EPHX1: variants seen among roughly 807,000 people sequenced by gnomAD.
EPHX1 encodes epoxide hydrolase 1.
In EPHX1, 40 loss-of-function variants were observed where a neutral mutation model predicts 43.2. That is an observed-to-expected ratio of 0.93 (90% CI 0.72 to 1.21). The LOEUF is 1.21. Among genes scored for constraint, EPHX1 ranks in the 50% most tolerant of loss-of-function variants. EPHX1 has a pLI of 0.00. For synonymous variants in EPHX1, 221 were observed against 226.7 expected, an observed-to-expected ratio of 0.98 and a Z score of 0.22; for missense variants, 550 against 570.4, an observed-to-expected ratio of 0.96 and a Z score of 0.36.
intron 1 of EPHX1, among the ~76,000 whole-genome samples, chr1:225,822,285 G>A (rs1263344743): frequency 6.6e-6 from 1 of 152,026 alleles, no homozygotes; most frequent in African/African-American, 2.4e-5. Flanking sequence ...TCTTTACTAG[G>A]CAAGTGAACC....
Position 225,844,595 on chromosome 1 carries a change from C to T in EPHX1, c.1138C>T (p.Gln380Ter), listed in dbSNP as rs1452844999. The T allele has an allele frequency of 3.3e-5, 53 of 1,614,042 alleles. No homozygotes were observed. The highest frequency in any genetic ancestry group is 4.3e-5 in the Non-Finnish European group (51 of 1,180,028). Residue 380 changes from glutamine to a stop codon, truncating the protein, a stop_gained, in exon 8 of 9, where the codon CAG (glutamine) becomes TAG (stop). Transcript: ENST00000272167. LOFTEE classifies it low-confidence loss of function (END_TRUNC). The stretch of plus-strand genomic sequence containing the variant: ...GCGCTTCTACAAGGAGAACCTGGGA[C>T]AGGGCTGGATGACCCAGAAGCATGA... The part of the protein sequence containing the change: ...SQRFYKENLG[Q>*]GWMTQKHERM...
chr1:225,837,822 A>T (rs1481974754), intron 3 of EPHX1, among the ~76,000 whole-genome samples: 1 of 152,210 alleles, frequency 6.6e-6, no homozygotes, highest in African/African-American at 2.4e-5. Flanking sequence ...ACCAGGCCCA[A>T]AAATACTCCA....
Position 225,844,542 on chromosome 1 carries a change from G to A in EPHX1, c.1085G>A (p.Trp362Ter), listed in dbSNP as rs759824657. The change falls in exon 8 of 9, where the codon TGG becomes TAG. Residue 362 changes from tryptophan (W) to a stop codon, truncating the protein, a stop_gained. Transcript: ENST00000272167. LOFTEE classifies it high-confidence loss of function. ...DDLLTNVMLY[W>*]TTGTIISSQR... ...CTGCTGACCAACGTCATGCTCTACT[G>A]GACAACAGGCACCATCATCTCCTCC... 6.8e-6 allele frequency: 11 copies of A among 1,614,142 alleles called. No individual in the cohort carries two copies. The highest frequency in any genetic ancestry group is 1.3e-5 in the African/African-American group (1 of 75,028).
chr1:225,838,541 G>A (rs1018133814), intron 3 of EPHX1, 113 bp from the exon 4 acceptor site: 25 of 859,956 alleles, frequency 2.9e-5, no homozygotes, highest in African/African-American at 1.5e-4. Context: ...ATGAAGGGGC[G>A]GCGGGGGCAC....
chr1:225,824,405 G>A (rs1384654074), intron 1 of EPHX1, among the ~76,000 whole-genome samples: 2 of 152,202 alleles, frequency 1.3e-5, no homozygotes, highest in Non-Finnish European at 2.9e-5. Flanking sequence ...CAACTGCAGT[G>A]TGATTTAGGC....
chr1:225,831,345 T>A (rs1667577952), intron 2 of EPHX1, among the ~76,000 whole-genome samples: 1 of 151,904 alleles, frequency 6.6e-6, no homozygotes, highest in Non-Finnish European at 1.5e-5. Flanking sequence ...AGCCAGGAGT[T>A]CAAGACCAGC....
chr1:225,831,785 C>G lies in EPHX1; in HGVS notation c.190C>G (p.His64Asp). The G allele has an allele frequency of 6.2e-7, 1 of 1,613,976 alleles. No individual in the cohort carries two copies. ...ETSDEEIHDL[H>D]QRIDKFRFTP... ...GTCCTGAATTTTGCTCCAGGACTTA[C>G]ACCAGAGGATCGATAAGTTCCGTTT... Residue 64 changes from histidine to aspartate, a missense_variant, in exon 3 of 9, where the codon CAC (histidine) becomes GAC (aspartate). His to Asp is a moderately conservative substitution (Grantham distance 81, BLOSUM62 -1). Coordinates refer to ENST00000272167, the MANE Select transcript of EPHX1 (RefSeq NM_001136018.4).
At chr1:225,828,363 G>C (rs1376267977) in intron 1 of EPHX1, among the ~76,000 whole-genome samples, 1 of 151,384 alleles carries the variant, frequency 6.6e-6, no homozygotes, top group Non-Finnish European at 1.5e-5. Flanking sequence ...ACAACATGAG[G>C]CCTCAGAAAT....
intron 1 of EPHX1, among the ~76,000 whole-genome samples, 192 bp from the exon 2 acceptor site, chr1:225,828,529 ATATT>A (rs1388097515): frequency 1.3e-5 from 2 of 148,422 alleles, no homozygotes; most frequent in African/African-American, 4.9e-5. Context: ...TATATATATA[ATATT>A]TATACTATAT....
chr1:225,821,749 G>A (rs982558980), intron 1 of EPHX1, among the ~76,000 whole-genome samples: 17 of 150,646 alleles, frequency 1.1e-4, no homozygotes, highest in Admixed American at 1.1e-3. Flanking sequence ...TATTTGTGGA[G>A]ATGGGGTTTT....
At chr1:225,822,519 ACT>A (rs766636008) in intron 1 of EPHX1, among the ~76,000 whole-genome samples, 4 of 152,050 alleles carry the variant, frequency 2.6e-5, no homozygotes, top group Admixed American at 1.3e-4. Context: ...TAAAGCAGGC[ACT>A]CTCATTTTGT....
rs34868815 is a variant in EPHX1 at position 225,839,366 on chromosome 1, GGTGTGTGTGTGTGTGTGT to G, written c.722+39_722+56del. 4.2e-5 allele frequency: 66 copies of G among 1,560,734 alleles called. No individual in the cohort carries two copies. Among genetic ancestry groups the G allele is most frequent in the East Asian group, 7.1e-5 (3 of 42,528 alleles). On this transcript the variant is annotated intron_variant, in intron 5 of 8. Transcript: ENST00000272167. ...GCCCAGGTGAGGTCACTGTTGGGGTGGTGTGTGTGTGTGTGTGTGTGTGTGTGTGTGTGTGTCCTCTAA... is the reference window on the plus strand; with the variant it reads ...GCCCAGGTGAGGTCACTGTTGGGGTGGTGTGTGTGTGTGTGTGTCCTCTAA...
At position 225,840,085 on chromosome 1, in the gene EPHX1, G is replaced by A. The variant is rs567889511; in HGVS notation, c.931+48G>A. 44 of 1,598,256 alleles carry A rather than the reference G, an allele frequency of 2.8e-5. 1 individual carries two copies. The South Asian group carries it at 4.8e-4, about 17-fold the overall frequency. On this transcript the variant is annotated intron_variant, in intron 6 of 8. Coordinates refer to ENST00000272167, the MANE Select transcript of EPHX1 (RefSeq NM_001136018.4). ...GCCCACTGCCGGCTCCACTGGGGCA[G>A]GGAGACACCCGCGGGGTAACCTCAC...
At position 225,845,373 on chromosome 1, in the gene EPHX1, C is replaced by A. The variant is rs1181598542; in HGVS notation, c.*26C>A. 6.5e-7 allele frequency: 1 copy of A among 1,548,852 alleles called. No homozygotes were observed. Among genetic ancestry groups the A allele is most frequent in the Non-Finnish European group, 8.7e-7 (1 of 1,149,626 alleles). On this transcript the variant is annotated 3_prime_UTR_variant, in exon 9 of 9. Coordinates refer to ENST00000272167, the MANE Select transcript of EPHX1 (RefSeq NM_001136018.4). ...CCCACCCCTCTCCCCCCGCCTGCCA[C>A]CTCCCCCCACAAGTGCCCTCCAGGC... is the stretch of plus-strand genomic sequence containing the variant.
At chr1:225,823,847 C>T (rs1436667057) in intron 1 of EPHX1, among the ~76,000 whole-genome samples, 2 of 152,202 alleles carry the variant, frequency 1.3e-5, no homozygotes, top group African/African-American at 4.8e-5. Context: ...GAGGGAGTCT[C>T]CACGGCTCCA....
At position 225,842,562 on chromosome 1, in the gene EPHX1, G is replaced by A. The variant is rs563400264; in HGVS notation, c.1040+88G>A. ...CTTCATCCCCTTGTCTGGTTGCTCT[G>A]CATGGGGCACTCAGCAAATTCTATT... is the stretch of plus-strand genomic sequence containing the variant. On this transcript the variant is annotated intron_variant, in intron 7 of 8. Coordinates refer to ENST00000272167, the MANE Select transcript of EPHX1 (RefSeq NM_001136018.4). 72 of 948,496 alleles carry A rather than the reference G, an allele frequency of 7.6e-5. No individual in the cohort carries two copies. The East Asian group carries it at 1.7e-3, about 22-fold the overall frequency. 58.8% of individuals were successfully genotyped at this position (948,496 alleles called of 1,614,324 possible).
intron 1 of EPHX1, among the ~76,000 whole-genome samples, chr1:225,816,409 G>A (rs1253835728): frequency 6.6e-6 from 1 of 152,186 alleles, no homozygotes; most frequent in Non-Finnish European, 1.5e-5. Context: ...TATAGGTGGT[G>A]AACTGGGTTC....
At chr1:225,844,469 G>C in intron 7 of EPHX1, 29 bp from the exon 8 acceptor site, 1 of 1,614,060 alleles carries the variant, frequency 6.2e-7, no homozygotes, top group African/African-American at 1.3e-5. Context: ...GTGGCACTGA[G>C]AGTGGGGCTT....
intron 1 of EPHX1, among the ~76,000 whole-genome samples, chr1:225,815,292 C>CTGGAG (rs1327827531): frequency 3.7e-5 from 5 of 136,594 alleles, no homozygotes; most frequent in Non-Finnish European, 6.7e-5. Context: ...GTTGTCCAGG[C>CTGGAG]TGGAGTGCAG....
Sources: gnomAD v4.1 joint callset for allele counts (sites outside exome capture counted in the v4.1 genomes callset) on GRCh38, gnomAD v4.1.1 for gene constraint, MANE v1.5 for transcripts, NCBI Gene and HGNC (gene_info 2026-07-23, HGNC 2026-07-21) for gene names.